Variants in ADGRV1 observed in about 807,000 individuals in gnomAD.
ADGRV1 encodes adhesion G protein-coupled receptor V1, also known as G-protein coupled receptor 98.
A neutral mutation model predicts 596.2 loss-of-function variants in ADGRV1; 359 were observed. The observed-to-expected ratio is 0.60, with a 90% CI of 0.55 to 0.66. The LOEUF is 0.66. ADGRV1 is among the 30% of genes least tolerant of loss of function. The pLI is 0.00. For synonymous variants in ADGRV1, 2,681 were observed against 2,679.2 expected, an observed-to-expected ratio of 1.00 and a Z score of -0.02; for missense variants, 7,274 against 7,575.6, an observed-to-expected ratio of 0.96 and a Z score of 1.48.
chr5:90,624,570 A>G (rs1034014490), intron 5 of ADGRV1, among the ~76,000 whole-genome samples: 1 of 151,966 alleles, frequency 6.6e-6, no homozygotes, highest in Non-Finnish European at 1.5e-5. Flanking sequence ...GCTATTCTTA[A>G]TTTTTTCTCT....
At chr5:90,945,286 G>T (rs1421522146) in intron 83 of ADGRV1, among the ~76,000 whole-genome samples, 2 of 151,522 alleles carry the variant, frequency 1.3e-5, no homozygotes, top group Non-Finnish European at 2.9e-5. Flanking sequence ...TTCTAAACTG[G>T]TTACTTCAAT....
chr5:90,629,327 A>C lies in ADGRV1; in HGVS notation c.1627A>C (p.Arg543=). Residue 543 remains arginine (R), a synonymous_variant, in exon 9 of 90, where the codon AGA becomes CGA. Coordinates refer to ENST00000405460, the MANE Select transcript of ADGRV1 (RefSeq NM_032119.4). ...GERYLSLSFT[R]LGGTKGDVRL... Reference sequence around the variant, plus strand: ...ACGATACTTATCCTTGAGTTTTACAAGACTAGGAGGGACTAAAGGAGATGT... The same window carrying C: ...ACGATACTTATCCTTGAGTTTTACACGACTAGGAGGGACTAAAGGAGATGT... The C allele has an allele frequency of 6.8e-6, 11 of 1,613,648 alleles. No individual in the cohort carries two copies. Among genetic ancestry groups the C allele is most frequent in the Non-Finnish European group, 9.3e-6 (11 of 1,179,758 alleles).
intron 4 of ADGRV1, among the ~76,000 whole-genome samples, chr5:90,621,398 AT>A (rs921869189): frequency 1.3e-5 from 2 of 152,232 alleles, no homozygotes; most frequent in African/African-American, 4.8e-5. Context: ...TTTAGTAGAA[AT>A]TCGGTAACCT....
At chr5:90,750,383 T>C (rs1016650978) in intron 52 of ADGRV1, among the ~76,000 whole-genome samples, 168 bp from the exon 53 acceptor site, 1 of 152,228 alleles carries the variant, frequency 6.6e-6, no homozygotes, top group African/African-American at 2.4e-5. Flanking sequence ...ATGTGTGTTT[T>C]AAATCATGGT....
At chr5:91,005,280 A>C (rs979357414) in intron 85 of ADGRV1, among the ~76,000 whole-genome samples, 2 of 152,158 alleles carry the variant, frequency 1.3e-5, no homozygotes, top group South Asian at 2.1e-4. Flanking sequence ...TATGTAAAGA[A>C]ATTTAACAGA....
intron 26 of ADGRV1, among the ~76,000 whole-genome samples, chr5:90,680,648 T>C (rs1251318269): frequency 1.3e-5 from 2 of 152,250 alleles, no homozygotes; most frequent in Non-Finnish European, 2.9e-5. Context: ...CTGCCTTCAT[T>C]CCTAACTTCC....
intron 87 of ADGRV1, among the ~76,000 whole-genome samples, chr5:91,103,594 C>CA (rs746999515): frequency 1.3e-4 from 19 of 151,992 alleles, no homozygotes; most frequent in Non-Finnish European, 2.5e-4. Flanking sequence ...GCTTGGCAGA[C>CA]ACACAGTGTT....
At chr5:90,799,294 G>T (rs1265631953) in intron 70 of ADGRV1, among the ~76,000 whole-genome samples, 1 of 152,128 alleles carries the variant, frequency 6.6e-6, no homozygotes, top group Admixed American at 6.6e-5. Context: ...CAAACAAACA[G>T]AGAGCCAGAT....
intron 78 of ADGRV1, among the ~76,000 whole-genome samples, chr5:90,844,084 C>T (rs1765657870): frequency 6.6e-6 from 1 of 151,892 alleles, no homozygotes; most frequent in Non-Finnish European, 1.5e-5. Context: ...ATATTTATAC[C>T]AAAAAGTTAT....
chr5:90,982,063 G>C (rs962993296), intron 84 of ADGRV1, among the ~76,000 whole-genome samples: 2 of 152,222 alleles, frequency 1.3e-5, no homozygotes, highest in African/African-American at 4.8e-5. Context: ...ACTCCAGCCT[G>C]GGTGACAGAG....
rs770390429 is a variant in ADGRV1, at chr5:90,653,863, T to A, written c.4289T>A (p.Ile1430Asn). Residue 1430 changes from isoleucine (I) to asparagine (N), a missense_variant, in exon 20 of 90, where the codon ATC becomes AAC. This residue lies in a region of ADGRV1 where 38 missense variants were observed against 66.7 expected (regional missense o/e 0.57). Transcript: ENST00000405460. ...AGTGTTTGGCTTCATCTACTAATTA[T>A]CCTGGAGGATGGTATAATCGAATTC... ...EESVWLHLLI[I>N]LEDGIIEFYL... is the part of the protein sequence containing the mutation. The A allele has an allele frequency of 4.4e-6, 7 of 1,608,122 alleles. No homozygotes were observed. The highest frequency in any genetic ancestry group is 1.1e-5 in the South Asian group (1 of 89,656).
At chr5:90,759,613 G>A (rs1756237567) in intron 58 of ADGRV1, 25 bp downstream of exon 58, 1 of 1,597,592 alleles carries the variant, frequency 6.3e-7, no homozygotes, top group Non-Finnish European at 8.6e-7. Flanking sequence ...TCAGGGGAAA[G>A]CCTTGTTTCA....
At position 90,807,622 on chromosome 5, in the gene ADGRV1, G is replaced by A. The variant is rs558727949; in HGVS notation, c.14857G>A (p.Gly4953Ser). The part of the protein sequence containing the change: ...PTLGSLSFSH[G>S]EQRKGVFLWT... ...TTCAGGGAGCCTTTCATTTTCCCACGGTGAACAAAGGAAAGGAGTTTTCCT... is the reference window on the plus strand; with the variant it reads ...TTCAGGGAGCCTTTCATTTTCCCACAGTGAACAAAGGAAAGGAGTTTTCCT... The change falls in exon 73 of 90, where the codon GGT (glycine) becomes AGT (serine). Residue 4953 changes from glycine to serine, a missense_variant. Transcript: ENST00000405460. The A allele has an allele frequency of 7.4e-6, 12 of 1,612,054 alleles. No homozygotes were observed. Among genetic ancestry groups the A allele is most frequent in the South Asian group, 3.3e-5 (3 of 90,776 alleles).
At chr5:91,020,641 T>A (rs1783558250) in intron 85 of ADGRV1, among the ~76,000 whole-genome samples, 1 of 151,962 alleles carries the variant, frequency 6.6e-6, no homozygotes, top group Admixed American at 6.6e-5. Context: ...GCTAAGCATG[T>A]GTGAAAGACC....
chr5:90,728,185 A>G (rs980429660), intron 48 of ADGRV1, among the ~76,000 whole-genome samples: 4 of 152,216 alleles, frequency 2.6e-5, no homozygotes, highest in Admixed American at 2.6e-4. Flanking sequence ...ATTTATGAAC[A>G]CTTACCCTGA....
intron 87 of ADGRV1, among the ~76,000 whole-genome samples, chr5:91,108,830 C>T (rs1010152860): frequency 5.9e-5 from 9 of 152,080 alleles, no homozygotes; most frequent in Non-Finnish European, 1.0e-4. Flanking sequence ...CTCCTGGCCT[C>T]GAGTGATCCT....
intron 86 of ADGRV1, among the ~76,000 whole-genome samples, chr5:91,088,005 T>A (rs934587566): frequency 6.6e-6 from 1 of 152,214 alleles, no homozygotes; most frequent in South Asian, 2.1e-4. Flanking sequence ...TTCTTTTAAT[T>A]GAATTTGACA....
chr5:91,080,692 A>G (rs1789277670), intron 86 of ADGRV1, among the ~76,000 whole-genome samples: 1 of 149,172 alleles, frequency 6.7e-6, no homozygotes, highest in Non-Finnish European at 1.5e-5. Flanking sequence ...GCCCCTCTTT[A>G]TGGTACCAAA....
At chr5:90,957,605 A>G (rs1442671021) in intron 83 of ADGRV1, among the ~76,000 whole-genome samples, 2 of 148,030 alleles carry the variant, frequency 1.4e-5, no homozygotes, top group East Asian at 3.9e-4. Flanking sequence ...ATATATGTAT[A>G]TATTTTAACT....
Sources: gnomAD v4.1 joint callset for allele counts (sites outside exome capture counted in the v4.1 genomes callset) on GRCh38, gnomAD v4.1.1 for gene constraint, gnomAD v4.1.1 regional missense constraint, MANE v1.5 for transcripts, NCBI Gene and HGNC (gene_info 2026-07-23, HGNC 2026-07-21) for gene names.